INPP4B: variants seen among roughly 807,000 people sequenced by gnomAD.
The protein encoded by INPP4B is inositol polyphosphate 4-phosphatase type II.
Under a neutral mutation model 122.5 loss-of-function variants are expected in INPP4B, and 55 were observed. The observed-to-expected ratio is 0.45, with a 90% CI of 0.36 to 0.56. INPP4B has a LOEUF of 0.56. Among genes scored for constraint, INPP4B ranks in the 20% least tolerant of loss-of-function variants. The pLI is 0.00. For synonymous variants in INPP4B, 403 were observed against 388.7 expected, an observed-to-expected ratio of 1.04 and a Z score of -0.43; for missense variants, 1,000 against 1,097.7, an observed-to-expected ratio of 0.91 and a Z score of 1.26.
At chr4:142,324,700 C>T (rs548277341) in intron 7 of INPP4B, among the ~76,000 whole-genome samples, 1 of 152,190 alleles carries the variant, frequency 6.6e-6, no homozygotes, top group South Asian at 2.1e-4. Context: ...CTCAGCACTC[C>T]CCCTAGGGCA....
chr4:142,487,087 T>C (rs1221822185), intron 2 of INPP4B, among the ~76,000 whole-genome samples: 3 of 152,264 alleles, frequency 2.0e-5, no homozygotes, highest in East Asian at 3.9e-4. Context: ...ATTCTCATGA[T>C]AGTGAATAAG....
At chr4:142,253,378 G>T (rs191670922) in intron 11 of INPP4B, among the ~76,000 whole-genome samples, 1 of 152,178 alleles carries the variant, frequency 6.6e-6, no homozygotes, top group African/African-American at 2.4e-5. Context: ...GAACAGCTCC[G>T]GTCTACAGCT....
intron 2 of INPP4B, among the ~76,000 whole-genome samples, chr4:142,483,272 A>G (rs1236652765): frequency 2.1e-5 from 3 of 145,646 alleles, no homozygotes; most frequent in African/African-American, 7.6e-5. Context: ...AAAGCACACA[A>G]TCATGGTGCT....
chr4:142,829,688 G>T (rs1781878204), intron 1 of INPP4B, among the ~76,000 whole-genome samples: 1 of 152,126 alleles, frequency 6.6e-6, no homozygotes, highest in Admixed American at 6.6e-5. Context: ...AGTGCTGAAA[G>T]AAAAACTGTC....
At chr4:142,773,089 C>T (rs1297765897) in intron 1 of INPP4B, among the ~76,000 whole-genome samples, 2 of 152,006 alleles carry the variant, frequency 1.3e-5, no homozygotes, top group Non-Finnish European at 2.9e-5. Flanking sequence ...CACAATCTAA[C>T]AGTACAACTG....
intron 3 of INPP4B, among the ~76,000 whole-genome samples, chr4:142,458,533 G>A (rs1815999293): frequency 6.6e-6 from 1 of 151,716 alleles, no homozygotes; most frequent in Non-Finnish European, 1.5e-5. Context: ...CCAGGAGAGT[G>A]GGAAACAGCC....
intron 1 of INPP4B, among the ~76,000 whole-genome samples, chr4:142,803,660 AAC>A (rs199502405): frequency 0.05 from 7,608 of 150,920 alleles, 297 homozygotes; most frequent in Middle Eastern, 0.1. Flanking sequence ...AAAAAAAAAA[AAC>A]AAAAACAAAG....
At chr4:142,829,413 T>G (rs1309283089) in intron 1 of INPP4B, among the ~76,000 whole-genome samples, 1 of 152,174 alleles carries the variant, frequency 6.6e-6, no homozygotes, top group African/African-American at 2.4e-5. Flanking sequence ...TCCCCAGGAC[T>G]GGCTGTGCCT....
chr4:142,663,069 A>T (rs1580658157), intron 2 of INPP4B, among the ~76,000 whole-genome samples: 1 of 152,152 alleles, frequency 6.6e-6, no homozygotes, highest in South Asian at 2.1e-4. Flanking sequence ...AATAAAGGAA[A>T]AACTTAATTT....
At chr4:142,483,533 C>G (rs999611634) in intron 2 of INPP4B, among the ~76,000 whole-genome samples, 13 of 152,050 alleles carry the variant, frequency 8.5e-5, no homozygotes, top group Non-Finnish European at 1.3e-4. Flanking sequence ...ATTGTGTAAA[C>G]TTGAAATTGT....
intron 5 of INPP4B, among the ~76,000 whole-genome samples, chr4:142,411,447 A>C (rs1240947327): frequency 6.6e-6 from 1 of 152,204 alleles, no homozygotes; most frequent in Admixed American, 6.5e-5. Flanking sequence ...AGTCTGATAG[A>C]AGCATACCTT....
At chr4:142,539,347 T>C (rs959352076) in intron 2 of INPP4B, among the ~76,000 whole-genome samples, 12 of 152,132 alleles carry the variant, frequency 7.9e-5, no homozygotes, top group African/African-American at 2.9e-4. Context: ...ATTAAAGATT[T>C]ATCTGTGTTT....
At chr4:142,634,320 C>T (rs974488646) in intron 2 of INPP4B, among the ~76,000 whole-genome samples, 4 of 152,104 alleles carry the variant, frequency 2.6e-5, no homozygotes, top group African/African-American at 9.7e-5. Flanking sequence ...AAAATGCTTG[C>T]TAATTCATTT....
At position 142,123,397 on chromosome 4, in the gene INPP4B, C is replaced by G. The variant is rs1797378269; in HGVS notation, c.1912G>C (p.Gly638Arg). 6.2e-7 allele frequency: 1 copy of G among 1,611,122 alleles called. No individual in the cohort carries two copies. The highest frequency in any genetic ancestry group is 1.7e-5 in the Admixed American group (1 of 59,506). Residue 638 changes from glycine (G) to arginine (R), a missense_variant, in exon 20 of 26, where the codon GGT becomes CGT. Physicochemically the swap from Gly to Arg is moderately radical, Grantham distance 125. Transcript: ENST00000262992. ...CTTGTCTGTAATTTGATGATAAAAC[C>G]ACAAACCAATCCAGCAAGCTGAAAA... The part of the protein sequence containing the change: ...FSQALAGLVC[G>R]FIIKLQTSLY...
intron 7 of INPP4B, among the ~76,000 whole-genome samples, chr4:142,393,413 A>G (rs1798356399): frequency 6.6e-6 from 1 of 152,170 alleles, no homozygotes; most frequent in African/African-American, 2.4e-5. Context: ...TTTCTCCTGT[A>G]AACAGGATGT....
At chr4:142,675,062 C>A (rs1014706496) in intron 2 of INPP4B, among the ~76,000 whole-genome samples, 1 of 152,102 alleles carries the variant, frequency 6.6e-6, no homozygotes, top group Admixed American at 6.5e-5. Context: ...ATCAGTGAAT[C>A]CAGGAGGTGG....
intron 2 of INPP4B, among the ~76,000 whole-genome samples, chr4:142,573,783 T>C (rs565197536): frequency 6.6e-6 from 1 of 152,076 alleles, no homozygotes; most frequent in South Asian, 2.1e-4. Context: ...TTCCGCAATA[T>C]TGGATTACTG....
intron 2 of INPP4B, among the ~76,000 whole-genome samples, chr4:142,594,121 A>G (rs1339314557): frequency 6.6e-6 from 1 of 152,236 alleles, no homozygotes; most frequent in African/African-American, 2.4e-5. Context: ...GAATAAAAAT[A>G]TTAACAATTC....
intron 15 of INPP4B, among the ~76,000 whole-genome samples, chr4:142,191,535 G>T (rs1835832718): frequency 6.6e-6 from 1 of 152,140 alleles, no homozygotes; most frequent in African/African-American, 2.4e-5. Context: ...CCCCCATGGG[G>T]CCTATGGTTT....
Sources: gnomAD v4.1 joint callset for allele counts (sites outside exome capture counted in the v4.1 genomes callset) on GRCh38, gnomAD v4.1.1 for gene constraint, MANE v1.5 for transcripts, NCBI Gene and HGNC (gene_info 2026-07-23, HGNC 2026-07-21) for gene names.